Variants in PTPRS observed in about 807,000 individuals in gnomAD.
The protein encoded by PTPRS is protein tyrosine phosphatase receptor type S, also known as receptor-type tyrosine-protein phosphatase S.
Under a neutral mutation model 215.3 loss-of-function variants are expected in PTPRS, and 63 were observed. The ratio of observed to expected loss-of-function variants is 0.29; its 90% CI spans 0.24 to 0.36. The LOEUF is 0.36. PTPRS is among the 10% of genes least tolerant of loss of function. The pLI is 1.00. For synonymous variants in PTPRS, 1,404 were observed against 1,191.4 expected (o/e 1.18, Z -3.68); for missense variants, 2,258 against 2,825.8 (o/e 0.80, Z 4.56).
chr19:5,299,750 T>C (rs1259002971), intron 1 of PTPRS, among the ~76,000 whole-genome samples: 1 of 152,076 alleles, frequency 6.6e-6, no homozygotes, highest in Non-Finnish European at 1.5e-5. Context: ...TGCGCACCTG[T>C]AATCCCAGCT....
intron 1 of PTPRS, among the ~76,000 whole-genome samples, chr19:5,314,069 C>A (rs567021984): frequency 1.3e-5 from 2 of 151,972 alleles, no homozygotes; most frequent in South Asian, 4.2e-4. Flanking sequence ...CCCAGGAGGT[C>A]GAGGCTGCAG....
At chr19:5,315,276 A>G (rs1234006644) in intron 1 of PTPRS, among the ~76,000 whole-genome samples, 2 of 151,872 alleles carry the variant, frequency 1.3e-5, no homozygotes, top group Non-Finnish European at 2.9e-5. Context: ...TTTTATTGCA[A>G]AAGTAGAAAT....
rs1349869023 is a variant in PTPRS at position 5,229,242 on chromosome 19, G to A, written c.2376+74C>T. ...CGTTTTACTACTGATGATAAGGGGC[G>A]TGCAGGAGTCACAGCACAGCACGGC... is the stretch of plus-strand genomic sequence containing the variant. On this transcript the variant is annotated intron_variant, in intron 16 of 37. Coordinates refer to ENST00000262963, the MANE Select transcript of PTPRS (RefSeq NM_002850.4). 7 of 1,319,628 alleles carry A rather than the reference G, an allele frequency of 5.3e-6. No individual in the cohort carries two copies. In the Admixed American group the frequency reaches 1.0e-4, roughly 20 times the overall value. 81.7% of individuals were successfully genotyped at this position (1,319,628 alleles called of 1,614,324 possible). A position where few individuals can be genotyped will look rare whatever the true frequency, so the allele number is the denominator to read the frequency against.
intron 12 of PTPRS, among the ~76,000 whole-genome samples, chr19:5,239,352 CAGAGACAGAGGGACACAGAGACAGAGAT>C (rs2043804539): frequency 6.7e-6 from 1 of 148,616 alleles, no homozygotes; most frequent in Admixed American, 6.7e-5. Context: ...GGGAGAGAGT[CAGAGACAGAGGGACACAGAGACAGAGAT>C]AGAGACAGAG....
Position 5,208,048 on chromosome 19 carries a change from C to T in PTPRS, c.5652G>A (p.Val1884=). 1 of 1,611,972 alleles carries T rather than the reference C, an allele frequency of 6.2e-7. No individual in the cohort carries two copies. The highest frequency in any genetic ancestry group is 1.1e-5 in the South Asian group (1 of 90,952). The change falls in exon 37 of 38, where the codon GTG becomes GTA. Residue 1884 remains valine (V), a synonymous_variant. Coordinates refer to ENST00000262963, the MANE Select transcript of PTPRS (RefSeq NM_002850.4). ...GCGTGATGAAGACGCCCGTCCTGCCCACGCCGGCACTGGTGGCAGTAAAGT... is the reference window on the plus strand; with the variant it reads ...GCGTGATGAAGACGCCCGTCCTGCCTACGCCGGCACTGGTGGCAGTAAAGT... ...GPISVHCSAG[V]GRTGVFITLS...
In PTPRS at chr19:5,338,837, C is replaced by T. The variant is rs985665910; in HGVS notation, c.-95+1827G>A. On this transcript the variant is annotated intron_variant, in intron 1 of 37. Transcript: ENST00000262963. The surrounding 1 kb of genome is among the most constrained non-coding windows in gnomAD (Gnocchi z 4.2). ...GAGGAGCGGGATGGCTTCCTTCTCC[C>T]GGGCGAAAGGCGGCAGAAAGAGGGA... Among the ~76,000 whole-genome samples, 1 of 152,196 alleles carries T rather than the reference C, an allele frequency of 6.6e-6. No individual in the cohort carries two copies. Among genetic ancestry groups the T allele is most frequent in the Non-Finnish European group, 1.5e-5 (1 of 68,024 alleles).
intron 1 of PTPRS, among the ~76,000 whole-genome samples, chr19:5,335,299 T>C (rs2050459220): frequency 6.6e-6 from 1 of 152,118 alleles, no homozygotes; most frequent in African/African-American, 2.4e-5. Flanking sequence ...ATGTCAAGGC[T>C]CGCCGCGACG....
At chr19:5,260,333 C>A (rs1174330648) in intron 7 of PTPRS, among the ~76,000 whole-genome samples, 1 of 152,056 alleles carries the variant, frequency 6.6e-6, no homozygotes, top group East Asian at 1.9e-4. Context: ...GCGCCCACCA[C>A]CATGCCCGGC....
At chr19:5,211,389 G>A (rs926977349) in intron 33 of PTPRS, among the ~76,000 whole-genome samples, 1 of 152,278 alleles carries the variant, frequency 6.6e-6, no homozygotes, top group Admixed American at 6.5e-5. Context: ...ATCACATTAT[G>A]GACAGCAGCC....
At chr19:5,224,900 G>A (rs1170141602) in intron 17 of PTPRS, among the ~76,000 whole-genome samples, 2 of 152,116 alleles carry the variant, frequency 1.3e-5, no homozygotes, top group East Asian at 3.9e-4. Flanking sequence ...GTGGCTACAA[G>A]GGTCCCCGAG....
intron 15 of PTPRS, 74 bp from the exon 16 acceptor site, chr19:5,229,416 G>T: frequency 7.4e-7 from 1 of 1,345,514 alleles, no homozygotes; most frequent in East Asian, 3.0e-5. Flanking sequence ...AGAAAGAGAA[G>T]CAGAGGTGGG....
intron 22 of PTPRS, 74 bp from the exon 23 acceptor site, chr19:5,219,541 T>C (rs2041791933): frequency 6.8e-7 from 1 of 1,474,408 alleles, no homozygotes; most frequent in Non-Finnish European, 9.0e-7. Context: ...TTCTCAAACA[T>C]GAACCTACGT....
intron 13 of PTPRS, among the ~76,000 whole-genome samples, chr19:5,238,664 G>C (rs1291805135): frequency 6.6e-6 from 1 of 152,234 alleles, no homozygotes; most frequent in Non-Finnish European, 1.5e-5. Flanking sequence ...ACTTCTCCTT[G>C]ACCCCAAGTC....
rs1401462780 is a variant in PTPRS, at chr19:5,262,972, T to C, written c.569A>G (p.Glu190Gly). The C allele has an allele frequency of 6.3e-7, 1 of 1,586,272 alleles. No individual in the cohort carries two copies. The highest frequency in any genetic ancestry group is 1.8e-5 in the Admixed American group (1 of 55,942). Residue 190 changes from glutamate to glycine, a missense_variant and splice_region_variant, in exon 6 of 38, where the codon GAA (glutamate) becomes GGA (glycine). Physicochemically the swap from Glu to Gly is moderately conservative, Grantham distance 98. Coordinates refer to ENST00000262963, the MANE Select transcript of PTPRS (RefSeq NM_002850.4). ...GATGAAATCAGACTTACCAAAGGTTTCTGAACGTTTACAACAGGAGGATAA... is the reference window on the plus strand; with the variant it reads ...GATGAAATCAGACTTACCAAAGGTTCCTGAACGTTTACAACAGGAGGATAA... Reference protein sequence around the residue: ...SNGRIKQLRSETFESTPIRGA... With the variant: ...SNGRIKQLRSGTFESTPIRGA...
intron 9 of PTPRS, among the ~76,000 whole-genome samples, chr19:5,249,697 T>C (rs753005862): frequency 2.6e-5 from 4 of 152,192 alleles, no homozygotes; most frequent in Non-Finnish European, 5.9e-5. Context: ...CCAAACTCCA[T>C]GTAATGGCCA....
intron 1 of PTPRS, among the ~76,000 whole-genome samples, chr19:5,289,622 G>T (rs1169962558): frequency 1.3e-5 from 2 of 152,128 alleles, no homozygotes; most frequent in African/African-American, 4.8e-5. Context: ...AGCCGCATGG[G>T]CCTCCTTGCT....
chr19:5,242,264 C>A (rs763892030), intron 11 of PTPRS, among the ~76,000 whole-genome samples: 4 of 152,246 alleles, frequency 2.6e-5, no homozygotes, highest in Non-Finnish European at 5.9e-5. Flanking sequence ...CACACACAGC[C>A]CCCCTTGTCT....
intron 1 of PTPRS, among the ~76,000 whole-genome samples, chr19:5,301,372 G>A (rs1445432959): frequency 2.7e-5 from 4 of 149,720 alleles, no homozygotes; most frequent in African/African-American, 9.9e-5. Flanking sequence ...CTGGAGTACA[G>A]TGGCACCATC....
rs371345288 is a variant in PTPRS at position 5,217,684 on chromosome 19, C to G, written c.4048+736G>C. On this transcript the variant is annotated intron_variant, in intron 25 of 37. Coordinates refer to ENST00000262963, the MANE Select transcript of PTPRS (RefSeq NM_002850.4). ...GTTGATATGAACCAGTTCAGAGATA[C>G]GAAGTGGAGACCGGGTACAGTTGGA... is the stretch of plus-strand genomic sequence containing the variant. 3.3e-5 allele frequency among the ~76,000 whole-genome samples: 5 copies of G among 152,228 alleles called. 1 individual carries two copies. The South Asian group carries it at 1.0e-3, about 32-fold the overall frequency.
Sources: allele counts gnomAD v4.1 joint callset (sites outside exome capture counted in the v4.1 genomes callset), GRCh38; gene constraint gnomAD v4.1.1; non-coding constraint Gnocchi (gnomAD v3.1); transcripts MANE v1.5; gene names NCBI Gene and HGNC (gene_info 2026-07-23, HGNC 2026-07-21).